LEPR: variants seen among roughly 807,000 people sequenced by gnomAD.
LEPR encodes the protein leptin receptor.
In LEPR, 56 loss-of-function variants were observed where a neutral mutation model predicts 114.7. The ratio of observed to expected loss-of-function variants is 0.49; its 90% CI spans 0.39 to 0.61. The LOEUF (loss-of-function observed/expected upper bound fraction) is 0.61. Ranked by LOEUF, LEPR falls within the 20% of genes least tolerant of loss-of-function variation. LEPR has a pLI of 0.00. For synonymous variants in LEPR, 443 were observed against 461.4 expected (o/e 0.96, Z 0.51); for missense variants, 1,202 against 1,352.9 (o/e 0.89, Z 1.75).
intron 11 of LEPR, among the ~76,000 whole-genome samples, chr1:65,606,272 C>G (rs568992135): frequency 9.0e-4 from 137 of 152,218 alleles, no homozygotes; most frequent in Admixed American, 1.6e-3. Context: ...CCCAGGATAG[C>G]AAGGAACCCT....
chr1:65,488,096 CTTCTTTCTTTCTCT>C (rs1220699901), intron 2 of LEPR, among the ~76,000 whole-genome samples: 2 of 112,722 alleles, frequency 1.8e-5, no homozygotes, highest in Admixed American at 9.9e-5. Context: ...CCTTTCTTTC[CTTCTTTCTTTCTCT>C]TTCTTTCTTT....
intron 5 of LEPR, among the ~76,000 whole-genome samples, chr1:65,578,790 AACAC>A (rs374017762): frequency 1.3e-5 from 2 of 151,834 alleles, no homozygotes; most frequent in African/African-American, 2.4e-5. Context: ...AATATATAGA[AACAC>A]ACACACACAC....
At chr1:65,634,174 CGACTATGTTTAAT>C in intron 19 of LEPR, 1 of 984,754 alleles carries the variant, frequency 1.0e-6, no homozygotes, top group Non-Finnish European at 1.2e-6. Flanking sequence ...ACCAAACCAA[CGACTATGTTTAAT>C]GAACTCAGTA....
intron 2 of LEPR, among the ~76,000 whole-genome samples, chr1:65,444,251 T>G (rs1028436196): frequency 3.3e-5 from 5 of 152,100 alleles, no homozygotes; most frequent in Non-Finnish European, 7.4e-5. Flanking sequence ...AAACTTTTGC[T>G]GCATCTCTTC....
chr1:65,507,495 G>GTGTGTATATATATATACATATATA lies in LEPR; in HGVS notation c.-20-58037_-20-58014dup, dbSNP rs1469449232. 3.4e-4 allele frequency among the ~76,000 whole-genome samples: 48 copies of GTGTGTATATATATATACATATATA among 139,556 alleles called. 1 individual carries two copies. Among genetic ancestry groups the GTGTGTATATATATATACATATATA allele is most frequent in the African/African-American group, 7.3e-4 (26 of 35,494 alleles). The allele number at this position is 139,556 out of a possible 152,430, so 91.6% of individuals were successfully genotyped here. On this transcript the variant is annotated intron_variant, in intron 2 of 19. Transcript: ENST00000349533. ...TATACACATATATATGTATATATGT[G>GTGTGTATATATATATACATATATA]TGTGTATATATATATACATATATAT...
At chr1:65,437,694 A>C (rs1019726599) in intron 2 of LEPR, among the ~76,000 whole-genome samples, 2 of 152,108 alleles carry the variant, frequency 1.3e-5, no homozygotes, top group Admixed American at 6.5e-5. Context: ...AGGTAAATAA[A>C]GTATATGATA....
chr1:65,586,145 G>A (rs962555888), intron 5 of LEPR, among the ~76,000 whole-genome samples: 13 of 151,958 alleles, frequency 8.6e-5, no homozygotes, highest in South Asian at 2.1e-4. Context: ...GGCACGTTGG[G>A]TGTAATGAAA....
rs7524834 is a variant in LEPR, at chr1:65,484,547, T to G, written c.-21+59169T>G. On this transcript the variant is annotated intron_variant, in intron 2 of 19. Transcript: ENST00000349533. ...ACAAAGAGAGCGTCATCAGTTGTTC[T>G]TTTAACACTGAGACTTGTCAATATG... Among the ~76,000 whole-genome samples, 4 of 152,158 alleles carry G rather than the reference T, an allele frequency of 2.6e-5. No individual in the cohort carries two copies. The South Asian group carries it at 8.3e-4, about 32-fold the overall frequency.
At chr1:65,558,275 C>A (rs867776634) in intron 2 of LEPR, among the ~76,000 whole-genome samples, 1 of 152,006 alleles carries the variant, frequency 6.6e-6, no homozygotes, top group African/African-American at 2.4e-5. Context: ...TCCTAAAGAA[C>A]CATTGTGATA....
intron 19 of LEPR, among the ~76,000 whole-genome samples, chr1:65,624,643 A>G (rs560423990): frequency 6.6e-6 from 1 of 152,340 alleles, no homozygotes; most frequent in African/African-American, 2.4e-5. Context: ...TACGCAAAGC[A>G]GCTTTACTTC....
At chr1:65,618,358 C>G (rs776157027) in intron 16 of LEPR, among the ~76,000 whole-genome samples, 5 of 151,868 alleles carry the variant, frequency 3.3e-5, no homozygotes, top group Non-Finnish European at 7.4e-5. Context: ...CAGGGTCTCT[C>G]TGTGTTGCCC....
intron 2 of LEPR, among the ~76,000 whole-genome samples, chr1:65,526,702 T>C (rs1649995775): frequency 6.6e-6 from 1 of 152,230 alleles, no homozygotes; most frequent in Non-Finnish European, 1.5e-5. Context: ...CTGTGGTTCG[T>C]TTAACCTCAG....
chr1:65,462,504 G>T (rs1012042855), intron 2 of LEPR, among the ~76,000 whole-genome samples: 5 of 152,074 alleles, frequency 3.3e-5, no homozygotes, highest in African/African-American at 1.2e-4. Context: ...TAATCCTTTG[G>T]GTATATACCC....
At chr1:65,634,640 C>T (rs1007899070) in intron 19 of LEPR, 20 of 975,814 alleles carry the variant, frequency 2.0e-5, no homozygotes, top group Non-Finnish European at 2.1e-5. Flanking sequence ...GACATTTTAG[C>T]ATGAAATATA....
Position 65,570,494 on chromosome 1 carries a change from C to T in LEPR, c.62C>T (p.Ala21Val), listed in dbSNP as rs779334350. 3.1e-6 allele frequency: 5 copies of T among 1,613,576 alleles called. No individual in the cohort carries two copies. The highest frequency in any genetic ancestry group is 4.2e-6 in the Non-Finnish European group (5 of 1,179,840). Residue 21 changes from alanine (A) to valine (V), a missense_variant, in exon 4 of 20, where the codon GCG becomes GTG. Transcript: ENST00000349533. The stretch of plus-strand genomic sequence containing the variant: ...ACAGAATTTATTTATGTGATAACTG[C>T]GTTTAACTTGTCATATCCAATTACT... ...LHWEFIYVIT[A>V]FNLSYPITPW...
At chr1:65,421,297 T>G (rs1208829474) in intron 1 of LEPR, 1 of 1,506,752 alleles carries the variant, frequency 6.6e-7, no homozygotes, top group African/African-American at 1.4e-5. Flanking sequence ...TTAATACTGC[T>G]TTCTTCGGTG....
intron 2 of LEPR, among the ~76,000 whole-genome samples, chr1:65,521,229 C>T (rs868655657): frequency 6.6e-6 from 1 of 152,178 alleles, no homozygotes; most frequent in Non-Finnish European, 1.5e-5. Flanking sequence ...TTTGCTTCAG[C>T]CTCAAAGAAT....
intron 2 of LEPR, among the ~76,000 whole-genome samples, chr1:65,541,388 A>G (rs939161130): frequency 5.3e-5 from 8 of 152,204 alleles, no homozygotes; most frequent in African/African-American, 1.9e-4. Context: ...TCTGTGAATC[A>G]TAGCTTATCC....
chr1:65,454,659 G>A (rs975063639), intron 2 of LEPR, among the ~76,000 whole-genome samples: 13 of 152,302 alleles, frequency 8.5e-5, no homozygotes, highest in African/African-American at 2.4e-4. Flanking sequence ...TCCACTGTTA[G>A]TCTGATGGGC....
Sources: gnomAD v4.1 joint callset for allele counts (sites outside exome capture counted in the v4.1 genomes callset) on GRCh38, gnomAD v4.1.1 for gene constraint, MANE v1.5 for transcripts, NCBI Gene and HGNC (gene_info 2026-07-23, HGNC 2026-07-21) for gene names.